The following DYNC1I1 variants were observed in gnomAD, a reference collection of about 807,000 sequenced individuals.
DYNC1I1 encodes dynein cytoplasmic 1 intermediate chain 1.
DYNC1I1 carries 43 observed loss-of-function variants against 86.6 expected under a neutral mutation model. That is an observed-to-expected ratio of 0.50 (90% CI 0.39 to 0.64). The LOEUF is 0.64. Ranked by LOEUF, DYNC1I1 falls within the 30% of genes least tolerant of loss-of-function variation. The pLI, the probability that DYNC1I1 is intolerant of heterozygous loss-of-function variation, is 0.00. For synonymous variants in DYNC1I1, 262 were observed against 283.7 expected (o/e 0.92, Z 0.77); for missense variants, 604 against 788.8 (o/e 0.77, Z 2.81).
At position 96,022,006 on chromosome 7, in the gene DYNC1I1, A is replaced by T. The variant is rs116775489; in HGVS notation, c.970-6169A>T. ...TTTGTGTAGACATATTTTTTCAATT[A>T]TCTTGGGTATATACCTAGGAGTGGA... On this transcript the variant is annotated intron_variant, in intron 10 of 16. Transcript: ENST00000447467. Among the ~76,000 whole-genome samples, 796 of 152,224 alleles carry T rather than the reference A, an allele frequency of 5.2e-3. 3 individuals carry two copies. The highest frequency in any genetic ancestry group is 0.01 in the Middle Eastern group (3 of 294).
At chr7:95,961,782 G>C (rs1792876655) in intron 6 of DYNC1I1, among the ~76,000 whole-genome samples, 1 of 152,198 alleles carries the variant, frequency 6.6e-6, no homozygotes, top group South Asian at 2.1e-4. Flanking sequence ...TGGGAATATA[G>C]CTACCAGAGC....
At chr7:95,806,143 C>CA (rs1241227915) in intron 2 of DYNC1I1, among the ~76,000 whole-genome samples, 2 of 151,852 alleles carry the variant, frequency 1.3e-5, no homozygotes, top group Admixed American at 6.6e-5. Flanking sequence ...CATGCAAAGT[C>CA]AAAAAAAGCA....
intron 4 of DYNC1I1, among the ~76,000 whole-genome samples, chr7:95,820,680 G>T (rs547326763): frequency 5.3e-5 from 8 of 152,336 alleles, no homozygotes; most frequent in African/African-American, 1.9e-4. Context: ...AATTCACTTG[G>T]TAGAGAAGAT....
At chr7:95,774,572 G>A (rs945245821) in intron 1 of DYNC1I1, among the ~76,000 whole-genome samples, 10 of 152,208 alleles carry the variant, frequency 6.6e-5, no homozygotes, top group African/African-American at 2.4e-4. Flanking sequence ...ATGGTCTTCA[G>A]TTTCTGACTA....
intron 6 of DYNC1I1, among the ~76,000 whole-genome samples, chr7:95,954,737 C>A (rs957460032): frequency 1.3e-5 from 2 of 151,690 alleles, no homozygotes; most frequent in Non-Finnish European, 2.9e-5. Flanking sequence ...CACGGTGAAA[C>A]CCCATCTCTA....
At chr7:96,103,869 C>T (rs1330922960) in intron 16 of DYNC1I1, among the ~76,000 whole-genome samples, 1 of 152,212 alleles carries the variant, frequency 6.6e-6, no homozygotes, top group African/African-American at 2.4e-5. Context: ...GCCTCAGCCT[C>T]CCAAAGTGCT....
At chr7:95,928,150 C>T (rs1015373230) in intron 6 of DYNC1I1, among the ~76,000 whole-genome samples, 3 of 152,224 alleles carry the variant, frequency 2.0e-5, no homozygotes, top group Non-Finnish European at 4.4e-5. Context: ...CTAGTACTGC[C>T]TTGCTTCCTC....
intron 14 of DYNC1I1, among the ~76,000 whole-genome samples, chr7:96,043,954 C>T (rs185946099): frequency 2.7e-3 from 417 of 152,180 alleles, no homozygotes; most frequent in African/African-American, 9.4e-3. Flanking sequence ...GTGATCCACC[C>T]GCCTCAGCCT....
Position 95,822,410 on chromosome 7 carries a change from T to C in DYNC1I1, c.315-5647T>C, listed in dbSNP as rs145126715. Among the ~76,000 whole-genome samples the C allele has an allele frequency of 3.9e-3, 594 of 152,308 alleles. 4 individuals are homozygous for C. The highest frequency in any genetic ancestry group is 0.013 in the African/African-American group (523 of 41,558). ...GACCCACAAATTATAAATTAACTACTACATGGTAGGCATTTTTGTATAAGG... is the reference window on the plus strand; with the variant it reads ...GACCCACAAATTATAAATTAACTACCACATGGTAGGCATTTTTGTATAAGG... On this transcript the variant is annotated intron_variant, in intron 4 of 16. Coordinates refer to ENST00000447467, the MANE Select transcript of DYNC1I1 (RefSeq NM_001135556.2).
chr7:96,084,319 G>GAAAAA (rs5885940), intron 16 of DYNC1I1, among the ~76,000 whole-genome samples: 6 of 141,940 alleles, frequency 4.2e-5, no homozygotes, highest in Non-Finnish European at 7.6e-5. Context: ...AGGCAAATCA[G>GAAAAA]AAAAAAAAAA....
intron 14 of DYNC1I1, among the ~76,000 whole-genome samples, chr7:96,041,065 G>A (rs1024993352): frequency 6.6e-6 from 1 of 152,032 alleles, no homozygotes; most frequent in African/African-American, 2.4e-5. Context: ...AATCTGGAGG[G>A]AGAGCAATAC....
chr7:95,842,284 G>T (rs1789305743), intron 5 of DYNC1I1, among the ~76,000 whole-genome samples: 1 of 152,076 alleles, frequency 6.6e-6, no homozygotes, highest in Non-Finnish European at 1.5e-5. Context: ...CCTAGGAAGG[G>T]GCTTGATTAA....
chr7:95,816,138 C>A (rs1794942170), intron 4 of DYNC1I1, among the ~76,000 whole-genome samples: 1 of 152,114 alleles, frequency 6.6e-6, no homozygotes, highest in Non-Finnish European at 1.5e-5. Context: ...CTGCCTCGGC[C>A]TCCTGAGTAG....
intron 6 of DYNC1I1, among the ~76,000 whole-genome samples, chr7:95,914,347 G>C (rs553107994): frequency 1.1e-4 from 16 of 152,234 alleles, no homozygotes; most frequent in Admixed American, 9.8e-4. Context: ...ATTTTTATAG[G>C]CCACTTGAAA....
intron 6 of DYNC1I1, among the ~76,000 whole-genome samples, chr7:95,880,045 G>C (rs920420496): frequency 2.0e-5 from 3 of 152,188 alleles, no homozygotes; most frequent in African/African-American, 7.2e-5. Flanking sequence ...TACTTTTACA[G>C]TAACTTATAA....
In DYNC1I1 at chr7:95,897,535, G is replaced by T. The variant is rs143323189; in HGVS notation, c.490+27537G>T. Among the ~76,000 whole-genome samples the T allele has an allele frequency of 1.8e-3, 279 of 152,142 alleles. 2 individuals are homozygous for T. Among genetic ancestry groups the T allele is most frequent in the African/African-American group, 6.5e-3 (270 of 41,500 alleles). On this transcript the variant is annotated intron_variant, in intron 6 of 16. Coordinates refer to ENST00000447467, the MANE Select transcript of DYNC1I1 (RefSeq NM_001135556.2). The stretch of plus-strand genomic sequence containing the variant: ...AGAGAAAGAGCCTATTCAATAGGAG[G>T]CCTAGAGGGCAGGAAAGAAGAATTT...
chr7:95,893,274 C>T (rs2116277590), intron 6 of DYNC1I1, among the ~76,000 whole-genome samples: 1 of 152,284 alleles, frequency 6.6e-6, no homozygotes, highest in African/African-American at 2.4e-5. Flanking sequence ...TAAGGGAGTG[C>T]TTTCACTAGC....
intron 16 of DYNC1I1, among the ~76,000 whole-genome samples, chr7:96,109,307 C>T (rs1038938463): frequency 1.3e-5 from 2 of 151,698 alleles, no homozygotes; most frequent in African/African-American, 4.8e-5. Flanking sequence ...TGGTGTGCTG[C>T]ACCCATTAAC....
chr7:96,037,563 A>G (rs2251779), intron 13 of DYNC1I1, among the ~76,000 whole-genome samples: 35,491 of 152,092 alleles, frequency 0.23, 4,305 homozygotes, highest in East Asian at 0.32. Flanking sequence ...AGGTTCAGTT[A>G]ACTTAACCCA....
Sources: allele counts gnomAD v4.1 joint callset (sites outside exome capture counted in the v4.1 genomes callset), GRCh38; gene constraint gnomAD v4.1.1; transcripts MANE v1.5; gene names NCBI Gene and HGNC (gene_info 2026-07-23, HGNC 2026-07-21).